Variants in SYMPK observed in about 807,000 individuals in gnomAD.
SYMPK encodes symplekin scaffold protein.
Under a neutral mutation model 136.4 loss-of-function variants are expected in SYMPK, and 49 were observed. The observed-to-expected ratio is 0.36, with a 90% CI of 0.29 to 0.46. SYMPK has a LOEUF of 0.46. Among genes scored for constraint, SYMPK ranks in the 20% least tolerant of loss-of-function variants. SYMPK has a pLI of 1.00. For synonymous variants in SYMPK, 766 were observed against 713.0 expected (o/e 1.07, Z -1.19); for missense variants, 1,365 against 1,690.0 (o/e 0.81, Z 3.37).
chr19:45,841,656 A>G (rs1315248193), intron 9 of SYMPK, among the ~76,000 whole-genome samples: 1 of 152,180 alleles, frequency 6.6e-6, no homozygotes, highest in African/African-American at 2.4e-5. Context: ...AAAAAGTGTG[A>G]TTTAAGAAAA....
At chr19:45,836,336 T>C (rs1449864942) in intron 10 of SYMPK, among the ~76,000 whole-genome samples, 2 of 151,876 alleles carry the variant, frequency 1.3e-5, no homozygotes, top group Admixed American at 6.6e-5. Context: ...TTTGAAGCTT[T>C]AAAAAAAATT....
chr19:45,849,038 G>A (rs549693482), intron 5 of SYMPK, among the ~76,000 whole-genome samples, 162 bp from the exon 6 acceptor site: 24 of 152,106 alleles, frequency 1.6e-4, no homozygotes, highest in Non-Finnish European at 2.6e-4. Flanking sequence ...AGACTGAGCC[G>A]CCCCTGAACC....
intron 1 of SYMPK, among the ~76,000 whole-genome samples, chr19:45,856,816 CCT>C (rs1349895822): frequency 1.3e-5 from 2 of 151,366 alleles, no homozygotes; most frequent in Non-Finnish European, 2.9e-5. Context: ...AGAGCAACAC[CCT>C]GTCTCAGAAA....
chr19:45,852,027 G>A (rs967900858), intron 5 of SYMPK, among the ~76,000 whole-genome samples: 17 of 152,268 alleles, frequency 1.1e-4, no homozygotes, highest in African/African-American at 4.1e-4. Flanking sequence ...CATAGTGGCA[G>A]AGGAAGTGAT....
At chr19:45,846,249 G>T (rs1451766558) in intron 7 of SYMPK, among the ~76,000 whole-genome samples, 1 of 152,088 alleles carries the variant, frequency 6.6e-6, no homozygotes, top group Non-Finnish European at 1.5e-5. Flanking sequence ...AAATAAAAGT[G>T]AATTAAAAAT....
At chr19:45,841,288 C>A (rs1568619536) in intron 9 of SYMPK, among the ~76,000 whole-genome samples, 1 of 146,970 alleles carries the variant, frequency 6.8e-6, no homozygotes, top group Non-Finnish European at 1.5e-5. Flanking sequence ...CTGGCAATTC[C>A]CCCCCCACCT....
At chr19:45,861,974 G>A (rs1478845216) in intron 1 of SYMPK, 1 of 151,546 alleles carries the variant, frequency 6.6e-6, no homozygotes, top group Non-Finnish European at 1.5e-5. Context: ...GAACCAGGGA[G>A]GTGGAGGTTG....
chr19:45,816,159 C>T lies in SYMPK; in HGVS notation c.3379G>A (p.Ala1127Thr). 1.9e-6 allele frequency: 3 copies of T among 1,544,226 alleles called. No individual in the cohort carries two copies. Among genetic ancestry groups the T allele is most frequent in the Non-Finnish European group, 2.6e-6 (3 of 1,141,730 alleles). ...GGGGGCCGGGGTGCTGGGGCCGGGG[C>T]CAAGGTCAGGGGCTCCAGATCATCC... ...EEDDLEPLTL[A>T]PAPAPRPPQD... The change falls in exon 26 of 27, where the codon GCC (alanine) becomes ACC (threonine). Residue 1127 changes from alanine to threonine, a missense_variant. Ala to Thr is a moderately conservative substitution (Grantham distance 58). Coordinates refer to ENST00000245934, the MANE Select transcript of SYMPK (RefSeq NM_004819.3).
Position 45,827,619 on chromosome 19 carries a change from C to T in SYMPK, c.2072G>A (p.Arg691His), listed in dbSNP as rs754446044. ...AAGTGTGGACATGCCCAGATAGGTG[C>T]GACTCTGCAGCAAAAGGAAAGGGAC... The part of the protein sequence containing the change: ...VVRKYCEDES[R>H]TYLGMSTLRD... The change falls in exon 16 of 27, where the codon CGC becomes CAC. Residue 691 changes from arginine (R) to histidine (H), a missense_variant. This residue lies in a region of SYMPK where 303 missense variants were observed against 326.6 expected (regional missense o/e 0.93). Transcript: ENST00000245934. 55 of 1,613,760 alleles carry T rather than the reference C, an allele frequency of 3.4e-5. No individual in the cohort carries two copies. The highest frequency in any genetic ancestry group is 1.6e-4 in the Middle Eastern group (1 of 6,084).
chr19:45,825,444 CG>C (rs1971019465), intron 17 of SYMPK, 113 bp from the exon 18 acceptor site: 1 of 1,340,034 alleles, frequency 7.5e-7, no homozygotes, highest in Admixed American at 2.6e-5. Context: ...AGAAGGGAGC[CG>C]GGGCTGGGGA....
intron 9 of SYMPK, among the ~76,000 whole-genome samples, chr19:45,840,312 C>CAAAAAAA (rs546768442): frequency 7.0e-5 from 4 of 57,144 alleles, no homozygotes; most frequent in Non-Finnish European, 1.5e-4. Flanking sequence ...GAGACTGTCT[C>CAAAAAAA]AAAAAAAAAA....
At chr19:45,844,641 C>CT (rs1971518842) in intron 7 of SYMPK, among the ~76,000 whole-genome samples, 1 of 151,764 alleles carries the variant, frequency 6.6e-6, no homozygotes, top group Non-Finnish European at 1.5e-5. Flanking sequence ...CGCCACTGCA[C>CT]TCCAGCCTGG....
chr19:45,832,081 G>A (rs549094355), intron 11 of SYMPK, among the ~76,000 whole-genome samples: 2 of 152,252 alleles, frequency 1.3e-5, no homozygotes, highest in African/African-American at 4.8e-5. Context: ...GGGCTCAAGC[G>A]ATCCTCCCGC....
In SYMPK at chr19:45,815,812, T is replaced by C. The variant is rs565647342; in HGVS notation, c.3687+39A>G. 5.0e-6 allele frequency: 8 copies of C among 1,603,466 alleles called. No homozygotes were observed. In the South Asian group the frequency reaches 8.9e-5, roughly 18 times the overall value. On this transcript the variant is annotated intron_variant, in intron 26 of 26. Coordinates refer to ENST00000245934, the MANE Select transcript of SYMPK (RefSeq NM_004819.3). ...TCCCCCACCTTCACCCCGGCCCAGA[T>C]CCGGCTTCTTCCTTCGCAGCGGAGG...
chr19:45,829,949 G>C, intron 13 of SYMPK, 105 bp downstream of exon 13: 1 of 1,341,172 alleles, frequency 7.5e-7, no homozygotes, highest in Non-Finnish European at 1.0e-6. Flanking sequence ...GCTGGGGTCC[G>C]CAGCCAGGGA....
chr19:45,860,162 T>C (rs1301851907), intron 1 of SYMPK, among the ~76,000 whole-genome samples: 1 of 150,582 alleles, frequency 6.6e-6, no homozygotes, highest in Non-Finnish European at 1.5e-5. Flanking sequence ...TCAGTTAATA[T>C]ATATTGAACA....
At chr19:45,817,162 C>A (rs1025978424) in intron 23 of SYMPK, 188 bp from the exon 24 acceptor site, 2 of 573,448 alleles carry the variant, frequency 3.5e-6, no homozygotes, top group Non-Finnish European at 5.9e-6. Flanking sequence ...GGCTGGACCA[C>A]GAGGGCAACT....
At chr19:45,853,665 TC>T (rs1426729794) in intron 3 of SYMPK, among the ~76,000 whole-genome samples, 2 of 151,218 alleles carry the variant, frequency 1.3e-5, no homozygotes, top group Non-Finnish European at 2.9e-5. Flanking sequence ...TACACTTCTC[TC>T]CTTTTATCCT....
chr19:45,827,942 A>T, intron 14 of SYMPK, 24 bp from the exon 15 acceptor site: 1 of 1,611,972 alleles, frequency 6.2e-7, no homozygotes, highest in Non-Finnish European at 8.5e-7. Flanking sequence ...AGGGAGGGCC[A>T]TGGCTGCAGA....
Sources: allele counts gnomAD v4.1 joint callset (sites outside exome capture counted in the v4.1 genomes callset), GRCh38; gene constraint gnomAD v4.1.1; regional missense constraint gnomAD v4.1.1; transcripts MANE v1.5; gene names NCBI Gene and HGNC (gene_info 2026-07-23, HGNC 2026-07-21).